The following KLHL29 variants were observed in gnomAD, a reference collection of about 807,000 sequenced individuals.
KLHL29 encodes the protein kelch-like protein 29.
KLHL29 carries 21 observed loss-of-function variants against 80.4 expected under a neutral mutation model. That is an observed-to-expected ratio of 0.26 (90% CI 0.19 to 0.38). KLHL29 has a LOEUF of 0.38. KLHL29 is among the 10% of genes least tolerant of loss of function. The pLI, the probability that KLHL29 is intolerant of heterozygous loss-of-function variation, is 1.00. For synonymous variants in KLHL29, 511 were observed against 526.8 expected, an observed-to-expected ratio of 0.97 and a Z score of 0.41; for missense variants, 867 against 1,223.9, an observed-to-expected ratio of 0.71 and a Z score of 4.35.
At chr2:23,505,220 TGA>T (rs1665563741) in intron 2 of KLHL29, among the ~76,000 whole-genome samples, 1 of 152,172 alleles carries the variant, frequency 6.6e-6, no homozygotes, top group South Asian at 2.1e-4. Context: ...GCCCAGGCAC[TGA>T]GAGGAGATCT....
intron 3 of KLHL29, among the ~76,000 whole-genome samples, chr2:23,591,234 C>G (rs971427628): frequency 5.3e-5 from 8 of 152,144 alleles, no homozygotes; most frequent in African/African-American, 1.9e-4. Context: ...GAGGAACAGA[C>G]AAGAGGCCGG....
chr2:23,385,807 C>T (rs1420104468), intron 1 of KLHL29, 27 bp downstream of exon 1: 3 of 152,518 alleles, frequency 2.0e-5, no homozygotes, highest in Non-Finnish European at 2.9e-5. Flanking sequence ...GCTGGAGCGC[C>T]TCGGATGCGG....
Position 23,596,191 on chromosome 2 carries a change from G to GC in KLHL29, c.285+33711dup, listed in dbSNP as rs1668390313. The stretch of plus-strand genomic sequence containing the variant: ...ACGGGCAGGCCGGGGGCGGGGCAGG[G>GC]CAACAGCCTTGTACCCTGCTGCCAT... On this transcript the variant is annotated intron_variant, in intron 3 of 13. Coordinates refer to ENST00000486442, the MANE Select transcript of KLHL29 (RefSeq NM_052920.2). The surrounding 1 kb of genome is among the most constrained non-coding windows in gnomAD (Gnocchi z 4.4). Among the ~76,000 whole-genome samples, 1 of 152,232 alleles carries GC rather than the reference G, an allele frequency of 6.6e-6. No individual in the cohort carries two copies. Among genetic ancestry groups the GC allele is most frequent in the Admixed American group, 6.5e-5 (1 of 15,288 alleles).
chr2:23,532,371 T>C (rs1002613860), intron 2 of KLHL29, among the ~76,000 whole-genome samples: 10 of 152,244 alleles, frequency 6.6e-5, no homozygotes, highest in African/African-American at 2.4e-4. Flanking sequence ...AAAAGTACTC[T>C]GGTTTGCAGT....
chr2:23,667,224 T>G (rs1294120190), intron 5 of KLHL29: 6 of 152,252 alleles, frequency 3.9e-5, no homozygotes, highest in Non-Finnish European at 7.3e-5. Context: ...AAGTGTGTAT[T>G]TATTTGCATT....
intron 2 of KLHL29, among the ~76,000 whole-genome samples, chr2:23,498,444 A>C (rs1252466399): frequency 2.6e-5 from 4 of 152,198 alleles, no homozygotes; most frequent in African/African-American, 9.7e-5. Flanking sequence ...GCAGGAGACT[A>C]CTACCTGGGG....
Position 23,642,464 on chromosome 2 carries a change from T to A in KLHL29, c.554T>A (p.Val185Glu). ...AACGTCCAGGCCCCGGTCATTGGGG[T>A]GACCCCCTCACTGCCTCCCCACGTG... ...AVNVQAPVIG[V>E]TPSLPPHVGP... Residue 185 changes from valine (V) to glutamate (E), a missense_variant, in exon 5 of 14, where the codon GTG becomes GAG. Around this residue, in one of 2 missense-constraint regions of KLHL29, gnomAD observed 424 missense variants for 456.9 expected, o/e 0.93. Coordinates refer to ENST00000486442, the MANE Select transcript of KLHL29 (RefSeq NM_052920.2). 6.6e-7 allele frequency: 1 copy of A among 1,510,414 alleles called. No homozygotes were observed. Among genetic ancestry groups the A allele is most frequent in the Non-Finnish European group, 8.9e-7 (1 of 1,124,508 alleles). 93.6% of individuals were successfully genotyped at this position (1,510,414 alleles called of 1,614,324 possible).
In KLHL29 at chr2:23,564,108, C is replaced by T. The variant is rs539237575; in HGVS notation, c.285+1627C>T. ...CTCCAGGTGGGAGAGAGAGGCTGGG[C>T]CCGGAGGCCGTCTTGAAAGTGTCTG... On this transcript the variant is annotated intron_variant, in intron 3 of 13. Transcript: ENST00000486442. 2.7e-3 allele frequency among the ~76,000 whole-genome samples: 409 copies of T among 152,352 alleles called. 2 individuals carry two copies. Among genetic ancestry groups the T allele is most frequent in the African/African-American group, 9.2e-3 (383 of 41,596 alleles).
intron 4 of KLHL29, among the ~76,000 whole-genome samples, chr2:23,640,680 A>C (rs1319918200): frequency 6.6e-6 from 1 of 152,228 alleles, no homozygotes; most frequent in African/African-American, 2.4e-5. Flanking sequence ...CAAAATCATA[A>C]ATATGCGTTG....
chr2:23,606,268 C>T (rs572240518), intron 3 of KLHL29, among the ~76,000 whole-genome samples: 29 of 151,758 alleles, frequency 1.9e-4, no homozygotes, highest in African/African-American at 6.3e-4. Flanking sequence ...ATGATTGATT[C>T]CAGAACGTTC....
chr2:23,402,207 C>CTGT lies in KLHL29; in HGVS notation c.-154+16429_-154+16431dup, dbSNP rs1328472194. ...TGAGGGGTCATCTAAGAGCCCAGTGCTGTTTCACACTGTCCCGGGTGGAAA... is the reference window on the plus strand; with the variant it reads ...TGAGGGGTCATCTAAGAGCCCAGTGCTGTTGTTTCACACTGTCCCGGGTGGAAA... On this transcript the variant is annotated intron_variant, in intron 1 of 13. Coordinates refer to ENST00000486442, the MANE Select transcript of KLHL29 (RefSeq NM_052920.2). 2.6e-5 allele frequency among the ~76,000 whole-genome samples: 4 copies of CTGT among 152,162 alleles called. No homozygotes were observed. In the East Asian group the frequency reaches 7.7e-4, roughly 29 times the overall value.
chr2:23,516,405 C>T (rs927738030), intron 2 of KLHL29, among the ~76,000 whole-genome samples: 4 of 152,114 alleles, frequency 2.6e-5, no homozygotes, highest in African/African-American at 7.2e-5. Flanking sequence ...CACGCGCACA[C>T]ACACGTGGGA....
At chr2:23,600,782 C>T (rs1245613479) in intron 3 of KLHL29, among the ~76,000 whole-genome samples, 2 of 152,180 alleles carry the variant, frequency 1.3e-5, no homozygotes, top group Non-Finnish European at 2.9e-5. Context: ...CCCACAGAGT[C>T]CTCTCTGCCA....
At chr2:23,502,331 A>G (rs1044116088) in intron 2 of KLHL29, among the ~76,000 whole-genome samples, 1 of 152,244 alleles carries the variant, frequency 6.6e-6, no homozygotes, top group Non-Finnish European at 1.5e-5. Context: ...AGCATCGAAC[A>G]TATTTCTGCC....
intron 1 of KLHL29, among the ~76,000 whole-genome samples, chr2:23,416,560 T>G (rs935409241): frequency 6.6e-6 from 1 of 152,214 alleles, no homozygotes; most frequent in African/African-American, 2.4e-5. Context: ...GACTCAGCCC[T>G]TTTTTGCCTG....
intron 1 of KLHL29, among the ~76,000 whole-genome samples, chr2:23,442,245 C>A (rs112091346): frequency 1.3e-5 from 2 of 152,170 alleles, no homozygotes; most frequent in East Asian, 3.9e-4. Context: ...CTTGTGCCAC[C>A]ATGCCCAGCT....
In KLHL29 at chr2:23,536,877, C is replaced by T. The variant is rs529364701; in HGVS notation, c.-45-25275C>T. ...GGTTCCCTTCCTACTAACGAAATAG[C>T]GAAAGACAGATCTCACACACACACA... On this transcript the variant is annotated intron_variant, in intron 2 of 13. Transcript: ENST00000486442. Among the ~76,000 whole-genome samples the T allele has an allele frequency of 8.2e-5, 12 of 146,806 alleles. No individual in the cohort carries two copies. The East Asian group carries it at 2.5e-3, about 31-fold the overall frequency.
chr2:23,517,816 G>A (rs1665986839), intron 2 of KLHL29, among the ~76,000 whole-genome samples: 1 of 152,196 alleles, frequency 6.6e-6, no homozygotes, highest in Non-Finnish European at 1.5e-5. Context: ...CCCACCACTG[G>A]AAAGTCACTT....
intron 3 of KLHL29, among the ~76,000 whole-genome samples, chr2:23,637,975 G>A (rs1414782768): frequency 2.6e-5 from 4 of 151,232 alleles, no homozygotes; most frequent in Non-Finnish European, 5.9e-5. Context: ...GACTCTTCCC[G>A]GGGCCACCTC....
Sources: gnomAD v4.1 joint callset for allele counts (sites outside exome capture counted in the v4.1 genomes callset) on GRCh38, gnomAD v4.1.1 for gene constraint, gnomAD v4.1.1 regional missense constraint, Gnocchi (gnomAD v3.1) non-coding constraint, MANE v1.5 for transcripts, NCBI Gene and HGNC (gene_info 2026-07-23, HGNC 2026-07-21) for gene names.